The following STK36 variants were observed in gnomAD, a reference collection of about 807,000 sequenced individuals.
The protein encoded by STK36 is serine/threonine-protein kinase 36.
In STK36, 116 loss-of-function variants were observed where a neutral mutation model predicts 142.2. The observed-to-expected ratio is 0.82, with a 90% CI of 0.70 to 0.95. STK36 has a LOEUF of 0.95. Ranked by LOEUF, STK36 falls within the 40% of genes least tolerant of loss-of-function variation. The pLI is 0.00. For missense variants in STK36, 1,422 were observed against 1,617.2 expected, an observed-to-expected ratio of 0.88 and a Z score of 2.07; for synonymous variants, 619 against 641.7, an observed-to-expected ratio of 0.96 and a Z score of 0.53.
Position 218,680,635 on chromosome 2 carries a change from C to T in STK36, c.1169C>T (p.Ala390Val), listed in dbSNP as rs1307695726. ...ENRTTPDCER[A>V]FPEERPEVLG... ...CGGACCACCCCAGATTGTGAACGAG[C>T]ATTCCCAGAGGAGAGGCCAGAGGTG... The change falls in exon 10 of 27, where the codon GCA becomes GTA. Residue 390 changes from alanine (A) to valine (V), a missense_variant. This residue lies in a region of STK36 where 962 missense variants were observed against 1,167.5 expected (regional missense o/e 0.82). Transcript: ENST00000295709. 5 of 1,613,472 alleles carry T rather than the reference C, an allele frequency of 3.1e-6. No individual in the cohort carries two copies. Among genetic ancestry groups the T allele is most frequent in the Non-Finnish European group, 4.2e-6 (5 of 1,179,862 alleles).
In STK36 at chr2:218,676,313, TAGAA is replaced by T. The variant is rs1940243045; in HGVS notation, c.684+37_684+40del. 3.1e-6 allele frequency: 5 copies of T among 1,609,928 alleles called. No individual in the cohort carries two copies. The Admixed American group carries it at 5.0e-5, about 16-fold the overall frequency. On this transcript the variant is annotated intron_variant, in intron 6 of 26. Transcript: ENST00000295709. The stretch of plus-strand genomic sequence containing the variant: ...ATTGAAAGGGAGATGACTTTTACAT[TAGAA>T]ATCTGTCTCCCTCTATCTCTGTTCC...
chr2:218,685,055 C>A (rs1245980113), intron 10 of STK36, 30 bp from the exon 11 acceptor site: 2 of 1,613,592 alleles, frequency 1.2e-6, no homozygotes, highest in African/African-American at 2.7e-5. Flanking sequence ...ACACACTACT[C>A]CTGACCCCTT....
At chr2:218,675,954 T>G in intron 5 of STK36, 75 bp from the exon 6 acceptor site, 1 of 1,571,504 alleles carries the variant, frequency 6.4e-7, no homozygotes, top group Non-Finnish European at 8.7e-7. Flanking sequence ...GTTTGGGATA[T>G]CTCTATGTTA....
chr2:218,688,972 T>C, intron 12 of STK36, 96 bp downstream of exon 12: 1 of 1,229,476 alleles, frequency 8.1e-7, no homozygotes. Context: ...TCTGACTGCC[T>C]TTTATTTTCT....
chr2:218,683,555 G>T (rs977706793), intron 10 of STK36, among the ~76,000 whole-genome samples: 1 of 152,130 alleles, frequency 6.6e-6, no homozygotes, highest in Non-Finnish European at 1.5e-5. Flanking sequence ...TTACAGGCAT[G>T]AGCCACTGCA....
At position 218,697,238 on chromosome 2, in the gene STK36, T is replaced by G. The variant is rs774775657; in HGVS notation, c.2761+25T>G. On this transcript the variant is annotated intron_variant, in intron 23 of 26. Coordinates refer to ENST00000295709, the MANE Select transcript of STK36 (RefSeq NM_015690.5). The stretch of plus-strand genomic sequence containing the variant: ...GGTATCTTTCTATCAGTATCCTTTT[T>G]GGGAGTGCATTGATCTCTCTTCAAG... The G allele has an allele frequency of 4.3e-5, 68 of 1,599,728 alleles. No homozygotes were observed. In the Admixed American group the frequency reaches 9.0e-4, roughly 21 times the overall value.
chr2:218,690,414 G>A (rs1940952262), intron 13 of STK36, 36 bp from the exon 14 acceptor site: 1 of 1,562,258 alleles, frequency 6.4e-7, no homozygotes. Context: ...TTTTAGTAGA[G>A]AGATAAGAAA....
chr2:218,680,720 T>A lies in STK36; in HGVS notation c.1236+18T>A, dbSNP rs775772678. ...AAAATGAGGTGAGCCCTAGGGTCTC[T>A]TACTGACTTTGTCTCTTTCATGGGA... On this transcript the variant is annotated intron_variant, in intron 10 of 26. Transcript: ENST00000295709. The A allele has an allele frequency of 1.3e-6, 2 of 1,598,974 alleles. No homozygotes were observed. Among genetic ancestry groups the A allele is most frequent in the Non-Finnish European group, 1.7e-6 (2 of 1,172,086 alleles).
Position 218,688,709 on chromosome 2 carries a change from A to G in STK36, c.1393A>G (p.Ile465Val), listed in dbSNP as rs148619290. Reference protein sequence around the residue: ...HEAGGQILKGILEGASHILPA... With the variant: ...HEAGGQILKGVLEGASHILPA... ...TCATGTCACCCAGATCCTGAAAGGC[A>G]TCTTGGAGGGTGCTTCCCACATCCT... is the stretch of plus-strand genomic sequence containing the variant. The change falls in exon 12 of 27, where the codon ATC becomes GTC. Residue 465 changes from isoleucine (I) to valine (V), a missense_variant. Ile to Val is a conservative substitution (Grantham distance 29). Coordinates refer to ENST00000295709, the MANE Select transcript of STK36 (RefSeq NM_015690.5). 4.3e-5 allele frequency: 70 copies of G among 1,612,076 alleles called. No homozygotes were observed. Among genetic ancestry groups the G allele is most frequent in the African/African-American group, 5.4e-5 (4 of 74,746 alleles).
chr2:218,679,160 C>A lies in STK36; in HGVS notation c.685-8C>A. 6.2e-7 allele frequency: 1 copy of A among 1,613,194 alleles called. No individual in the cohort carries two copies. Among genetic ancestry groups the A allele is most frequent in the South Asian group, 1.1e-5 (1 of 90,942 alleles). ...GAATGACTGATGGAATATTTTTTCTCTCTGTAGAACTTCCTGCAGGGACTG... is the reference window on the plus strand; with the variant it reads ...GAATGACTGATGGAATATTTTTTCTATCTGTAGAACTTCCTGCAGGGACTG... On this transcript the variant is annotated splice_region_variant and splice_polypyrimidine_tract_variant and intron_variant, in intron 6 of 26. Coordinates refer to ENST00000295709, the MANE Select transcript of STK36 (RefSeq NM_015690.5).
Position 218,673,665 on chromosome 2 carries a change from A to G in STK36, c.125A>G (p.Glu42Gly). ...TTCATCCCAAAATTGGGGCGCTCAG[A>G]GAAGGAGCTGAGGAATTTGCAACGA... ...LKFIPKLGRSEKELRNLQREI... is the reference protein window; with the variant it reads ...LKFIPKLGRSGKELRNLQREI... Residue 42 changes from glutamate (E) to glycine (G), a missense_variant, in exon 3 of 27, where the codon GAG becomes GGG. Physicochemically the swap from Glu to Gly is moderately conservative, Grantham distance 98 (BLOSUM62 -2). Coordinates refer to ENST00000295709, the MANE Select transcript of STK36 (RefSeq NM_015690.5). The G allele has an allele frequency of 6.2e-7, 1 of 1,614,186 alleles. No individual in the cohort carries two copies. Among genetic ancestry groups the G allele is most frequent in the South Asian group, 1.1e-5 (1 of 91,084 alleles).
Position 218,680,622 on chromosome 2 carries a change from G to C in STK36, c.1156G>C (p.Asp386His). The C allele has an allele frequency of 6.2e-7, 1 of 1,613,456 alleles. No individual in the cohort carries two copies. Among genetic ancestry groups the C allele is most frequent in the Non-Finnish European group, 8.5e-7 (1 of 1,179,838 alleles). Residue 386 changes from aspartate to histidine, a missense_variant, in exon 10 of 27, where the codon GAT becomes CAT. Transcript: ENST00000295709. The stretch of plus-strand genomic sequence containing the variant: ...CGGCAGGGAAAACCGGACCACCCCA[G>C]ATTGTGAACGAGCATTCCCAGAGGA... ...SAPRENRTTP[D>H]CERAFPEERP... is the part of the protein sequence containing the mutation.
In STK36 at chr2:218,672,838, G is replaced by A. The variant is rs1423217482; in HGVS notation, c.9G>A (p.Lys3=). 14 of 1,613,974 alleles carry A rather than the reference G, an allele frequency of 8.7e-6. No homozygotes were observed. The Admixed American group carries it at 2.0e-4, about 23-fold the overall frequency. The change falls in exon 2 of 27, where the codon AAG becomes AAA. Residue 3 remains lysine (K), a synonymous_variant. Coordinates refer to ENST00000295709, the MANE Select transcript of STK36 (RefSeq NM_015690.5). The part of the protein sequence containing the change: ME[K]YHVLEMIGEG... ...ATCCTGAAACCTCTGTCATGGAAAA[G>A]TACCACGTGTTGGAGATGATTGGAG...
intron 10 of STK36, among the ~76,000 whole-genome samples, chr2:218,680,993 A>G (rs1003811103): frequency 6.6e-6 from 1 of 152,248 alleles, no homozygotes; most frequent in Non-Finnish European, 1.5e-5. Flanking sequence ...ACACACATGC[A>G]TAAGCAAACA....
At chr2:218,676,524 A>T (rs1479581938) in intron 6 of STK36, among the ~76,000 whole-genome samples, 1 of 152,134 alleles carries the variant, frequency 6.6e-6, no homozygotes, top group Admixed American at 6.5e-5. Context: ...GGGAAGCCTC[A>T]GGAAACTTAC....
intron 26 of STK36, 140 bp downstream of exon 26, chr2:218,699,488 G>A: frequency 7.5e-7 from 1 of 1,327,872 alleles, no homozygotes; most frequent in Admixed American, 2.8e-5. Context: ...GTGTCTTGGA[G>A]TGAGTTTTCT....
At chr2:218,700,201 G>A (rs886221713) in intron 26 of STK36, among the ~76,000 whole-genome samples, 3 of 151,554 alleles carry the variant, frequency 2.0e-5, no homozygotes, top group East Asian at 1.9e-4. Context: ...GATTATAGGC[G>A]TGAGCCACTC....
In STK36 at chr2:218,697,003, G is replaced by A. The variant is rs747645345; in HGVS notation, c.2587-36G>A. The A allele has an allele frequency of 2.5e-6, 4 of 1,611,380 alleles. No homozygotes were observed. In the African/African-American group the frequency reaches 5.3e-5, roughly 22 times the overall value. Reference sequence around the variant, plus strand: ...AAAAGCATTTGGATTCCTGACTTCTGTCTTTCCCCCCGCCCTCTTTCACTT... The same window carrying A: ...AAAAGCATTTGGATTCCTGACTTCTATCTTTCCCCCCGCCCTCTTTCACTT... On this transcript the variant is annotated intron_variant, in intron 22 of 26. Transcript: ENST00000295709.
rs562377317 is a variant in STK36 at position 218,694,545 on chromosome 2, G to A, written c.2421G>A (p.Leu807=). 24 of 1,614,162 alleles carry A rather than the reference G, an allele frequency of 1.5e-5. No homozygotes were observed. In the South Asian group the frequency reaches 2.3e-4, roughly 16 times the overall value. ...CACAGAGTGCAGCAGCCTGTCTATTGGGACAGCTTGGTCAGCAAGGGGTGA... is the reference window on the plus strand; with the variant it reads ...CACAGAGTGCAGCAGCCTGTCTATTAGGACAGCTTGGTCAGCAAGGGGTGA... The part of the protein sequence containing the change: ...VSLVSAAACL[L]GQLGQQGVTF... The change falls in exon 21 of 27, where the codon TTG becomes TTA. Residue 807 remains leucine, a synonymous_variant. Transcript: ENST00000295709. The surrounding 1 kb of genome is among the most constrained non-coding windows in gnomAD (Gnocchi z 4.4).
Sources: gnomAD v4.1 joint callset for allele counts (sites outside exome capture counted in the v4.1 genomes callset) on GRCh38, gnomAD v4.1.1 for gene constraint, gnomAD v4.1.1 regional missense constraint, Gnocchi (gnomAD v3.1) non-coding constraint, MANE v1.5 for transcripts, NCBI Gene and HGNC (gene_info 2026-07-23, HGNC 2026-07-21) for gene names.